Variants in EPB41L1 observed in about 807,000 individuals in gnomAD.
EPB41L1 encodes the protein erythrocyte membrane protein band 4.1 like 1, also known as band 4.1-like protein 1.
A neutral mutation model predicts 97.8 loss-of-function variants in EPB41L1; 29 were observed. That is an observed-to-expected ratio of 0.30 (90% CI 0.22 to 0.40). The LOEUF (loss-of-function observed/expected upper bound fraction) is 0.40, where lower values mean the gene tolerates loss of function less well. Among genes scored for constraint, EPB41L1 ranks in the 10% least tolerant of loss-of-function variants. The pLI is 1.00. For missense variants in EPB41L1, 812 were observed against 1,162.3 expected, an observed-to-expected ratio of 0.70 and a Z score of 4.38; for synonymous variants, 383 against 459.2, an observed-to-expected ratio of 0.83 and a Z score of 2.12.
At chr20:36,149,268 A>C (rs1294147700) in intron 2 of EPB41L1, among the ~76,000 whole-genome samples, 1 of 152,188 alleles carries the variant, frequency 6.6e-6, no homozygotes, top group African/African-American at 2.4e-5. Context: ...CCAGAGGTGA[A>C]CATTGCCCTT....
intron 2 of EPB41L1, among the ~76,000 whole-genome samples, chr20:36,120,396 C>T (rs1041241884): frequency 2.6e-5 from 4 of 152,202 alleles, no homozygotes; most frequent in Non-Finnish European, 4.4e-5. Flanking sequence ...CAGCTGAAGA[C>T]TGAGTGAGCA....
At position 36,219,806 on chromosome 20, in the gene EPB41L1, G is replaced by A. The variant is rs773081212; in HGVS notation, c.2401G>A (p.Glu801Lys). 2 of 1,614,226 alleles carry A rather than the reference G, an allele frequency of 1.2e-6. No homozygotes were observed. Among genetic ancestry groups the A allele is most frequent in the Admixed American group, 3.3e-5 (2 of 60,024 alleles). The stretch of plus-strand genomic sequence containing the variant: ...CACCAGCACCTACGGCGCCACTGCG[G>A]AAACCCTCTCAACCTCCACCACCAC... ...VLTSTYGATA[E>K]TLSTSTTTHV... Residue 801 changes from glutamate (E) to lysine (K), a missense_variant, in exon 19 of 22, where the codon GAA (glutamate) becomes AAA (lysine). This residue lies in a region of EPB41L1 where 498 missense variants were observed against 622.7 expected (regional missense o/e 0.80). Coordinates refer to ENST00000338074, the MANE Select transcript of EPB41L1 (RefSeq NM_012156.2).
At chr20:36,103,518 G>A (rs757841663) in intron 1 of EPB41L1, among the ~76,000 whole-genome samples, 6 of 152,042 alleles carry the variant, frequency 3.9e-5, no homozygotes, top group Admixed American at 1.3e-4. Context: ...TCCTCTCTCC[G>A]AGCCTTAATT....
chr20:36,130,713 A>G (rs1343455971), intron 2 of EPB41L1, among the ~76,000 whole-genome samples: 2 of 149,924 alleles, frequency 1.3e-5, no homozygotes, highest in Non-Finnish European at 1.5e-5. Flanking sequence ...CCAACCTTTA[A>G]CCCCCAGCAT....
Position 36,207,632 on chromosome 20 carries a change from A to G in EPB41L1, c.1669-1856A>G. On this transcript the variant is annotated intron_variant, in intron 14 of 21. Transcript: ENST00000338074. This position sits in a 1 kb window ranked among gnomAD's most constrained non-coding sequence, Gnocchi z 4.9. Reference sequence around the variant, plus strand: ...CCCCCAGGGGACTTTGCCAGCCCCAAAGCCACACATTCCACAGTGATACCT... The same window carrying G: ...CCCCCAGGGGACTTTGCCAGCCCCAGAGCCACACATTCCACAGTGATACCT... The G allele has an allele frequency of 1.6e-6, 2 of 1,290,138 alleles. No individual in the cohort carries two copies. The highest frequency in any genetic ancestry group is 2.0e-6 in the Non-Finnish European group (2 of 988,924). The allele number at this position is 1,290,138 out of a possible 1,614,324, so 79.9% of individuals were successfully genotyped here.
chr20:36,200,686 C>A (rs1181416926), intron 14 of EPB41L1, among the ~76,000 whole-genome samples: 1 of 152,204 alleles, frequency 6.6e-6, no homozygotes, highest in Non-Finnish European at 1.5e-5. Context: ...GCTCACCCCA[C>A]AGAGTGGCTA....
rs1022474459 is a variant in EPB41L1 at position 36,093,699 on chromosome 20, GTGTGTA to G, written c.-65+2096_-65+2101del. ...TGCGTGCGTGCGTGCGTGTGTGTGT[GTGTGTA>G]TGTGTATGCGTGCGCGCGCGTGTGT... On this transcript the variant is annotated intron_variant, in intron 1 of 19. Transcript: ENST00000202028. This position sits in a 1 kb window ranked among gnomAD's most constrained non-coding sequence, Gnocchi z 5.4. Among the ~76,000 whole-genome samples the G allele has an allele frequency of 6.6e-6, 1 of 151,460 alleles. No homozygotes were observed. The highest frequency in any genetic ancestry group is 1.5e-5 in the Non-Finnish European group (1 of 67,918).
chr20:36,153,607 G>A (rs921102837), upstream of EPB41L1, among the ~76,000 whole-genome samples: 4 of 152,144 alleles, frequency 2.6e-5, no homozygotes, highest in African/African-American at 4.8e-5. Flanking sequence ...ATCATGCTGC[G>A]GTTACCCACC....
Position 36,207,596 on chromosome 20 carries a change from C to T in EPB41L1, c.1669-1892C>T. ...AGTACGCTCTCAGACCTGGGCTTCG[C>T]CCAACTCCAGCCCCCAGGGGACTTT... On this transcript the variant is annotated intron_variant, in intron 14 of 21. Transcript: ENST00000338074. The surrounding 1 kb of genome is among the most constrained non-coding windows in gnomAD (Gnocchi z 4.9). 1 of 1,290,018 alleles carries T rather than the reference C, an allele frequency of 7.8e-7. No individual in the cohort carries two copies. The highest frequency in any genetic ancestry group is 1.0e-6 in the Non-Finnish European group (1 of 988,916). 79.9% of individuals were successfully genotyped at this position (1,290,018 alleles called of 1,614,324 possible).
intron 2 of EPB41L1, among the ~76,000 whole-genome samples, chr20:36,131,724 G>C (rs2059217343): frequency 6.6e-6 from 1 of 152,164 alleles, no homozygotes; most frequent in Non-Finnish European, 1.5e-5. Flanking sequence ...AGAGGAAGGG[G>C]CTGATCTCTC....
At chr20:36,194,466 C>A in intron 12 of EPB41L1, 106 bp downstream of exon 12, 1 of 1,418,058 alleles carries the variant, frequency 7.1e-7, no homozygotes, top group Non-Finnish European at 9.7e-7. Context: ...GGCCAAGCAC[C>A]CTTACTATGG....
At chr20:36,127,817 G>A (rs2059032762) in intron 2 of EPB41L1, among the ~76,000 whole-genome samples, 1 of 152,026 alleles carries the variant, frequency 6.6e-6, no homozygotes, top group Admixed American at 6.5e-5. Context: ...ATTCTCTCTC[G>A]TAGGTTCCCT....
upstream of EPB41L1, among the ~76,000 whole-genome samples, chr20:36,153,705 T>C (rs1167210495): frequency 6.6e-6 from 1 of 152,132 alleles, no homozygotes; most frequent in Non-Finnish European, 1.5e-5. Flanking sequence ...GCCCAGAGCA[T>C]GGAACAACTT....
At chr20:36,125,355 C>T (rs761155337) in intron 2 of EPB41L1, 1 of 692,260 alleles carries the variant, frequency 1.4e-6, no homozygotes, top group Non-Finnish European at 2.6e-6. Flanking sequence ...AGCCCCTCCC[C>T]TTATCAACCG....
At chr20:36,127,463 G>T (rs370281895) in intron 2 of EPB41L1, among the ~76,000 whole-genome samples, 34 of 152,314 alleles carry the variant, frequency 2.2e-4, no homozygotes, top group African/African-American at 7.5e-4. Context: ...GATGCACTGT[G>T]TTGGTGTCTC....
chr20:36,098,342 G>A (rs2057900754), intron 1 of EPB41L1, among the ~76,000 whole-genome samples: 1 of 152,216 alleles, frequency 6.6e-6, no homozygotes. Flanking sequence ...CTGTCATGAA[G>A]CACGCAAACC....
Position 36,114,412 on chromosome 20 carries a change from C to CTT in EPB41L1, c.-10+1934_-10+1935dup, listed in dbSNP as rs1214636117. Among the ~76,000 whole-genome samples, 4 of 152,220 alleles carry CTT rather than the reference C, an allele frequency of 2.6e-5. No individual in the cohort carries two copies. The East Asian group carries it at 5.8e-4, about 22-fold the overall frequency. On this transcript the variant is annotated intron_variant, in intron 2 of 19. Transcript: ENST00000202028. ...GGGTCAGGGTATTCTTGAGAACATG[C>CTT]TTTGAAAACTGCCCACTGCAACCCA...
At chr20:36,158,855 T>G (rs559886001) in intron 1 of EPB41L1, among the ~76,000 whole-genome samples, 7 of 152,224 alleles carry the variant, frequency 4.6e-5, no homozygotes, top group Non-Finnish European at 7.3e-5. Flanking sequence ...CTCTCTTAAA[T>G]GTCAGGCCAA....
intron 14 of EPB41L1, among the ~76,000 whole-genome samples, chr20:36,204,704 CA>C (rs1162981839): frequency 1.3e-5 from 2 of 150,668 alleles, no homozygotes; most frequent in African/African-American, 4.9e-5. Flanking sequence ...TGCAGTGGCA[CA>C]GTCTCGGCTC....
Sources: gnomAD v4.1 joint callset for allele counts (sites outside exome capture counted in the v4.1 genomes callset) on GRCh38, gnomAD v4.1.1 for gene constraint, gnomAD v4.1.1 regional missense constraint, Gnocchi (gnomAD v3.1) non-coding constraint, MANE v1.5 for transcripts, NCBI Gene and HGNC (gene_info 2026-07-23, HGNC 2026-07-21) for gene names.